GRAMD2B: variants seen among roughly 807,000 people sequenced by gnomAD.
GRAMD2B encodes GRAM domain containing 2B, also known as GRAM domain-containing protein 2B.
In GRAMD2B, 41 loss-of-function variants were observed where a neutral mutation model predicts 59.2. The ratio of observed to expected loss-of-function variants is 0.69; its 90% CI spans 0.54 to 0.90. GRAMD2B has a LOEUF of 0.90. Among genes scored for constraint, GRAMD2B ranks in the 40% least tolerant of loss-of-function variants. The pLI is 0.00. For missense variants in GRAMD2B, 424 were observed against 500.5 expected (o/e 0.85, Z 1.46); for synonymous variants, 161 against 182.7 (o/e 0.88, Z 0.96).
intron 13 of GRAMD2B, among the ~76,000 whole-genome samples, chr5:126,489,358 T>C (rs181494212): frequency 3.0e-4 from 45 of 152,282 alleles, no homozygotes; most frequent in Non-Finnish European, 7.4e-5. Context: ...CCCTATCTGA[T>C]AGGGGAAGAA....
intron 1 of GRAMD2B, among the ~76,000 whole-genome samples, chr5:126,379,428 G>T (rs928143039): frequency 6.6e-6 from 1 of 152,076 alleles, no homozygotes; most frequent in Non-Finnish European, 1.5e-5. Flanking sequence ...CCCAGGAGTG[G>T]GACTGCTGGA....
At chr5:126,480,381 A>C (rs1705666358) in intron 6 of GRAMD2B, 75 bp from the exon 7 acceptor site, 2 of 1,035,468 alleles carry the variant, frequency 1.9e-6, no homozygotes, top group Admixed American at 1.8e-5. Flanking sequence ...CTGTATACAG[A>C]TACTTTTCTG....
At chr5:126,419,809 C>T (rs1477706567), upstream of GRAMD2B, among the ~76,000 whole-genome samples, 1 of 152,104 alleles carries the variant, frequency 6.6e-6, no homozygotes, top group African/African-American at 2.4e-5. Flanking sequence ...GTAATCCCAG[C>T]ACTTTGGGAG....
intron 1 of GRAMD2B, 172 bp from the exon 2 acceptor site, chr5:126,465,254 G>A (rs1415777643): frequency 1.4e-6 from 2 of 1,451,516 alleles, no homozygotes; most frequent in African/African-American, 1.4e-5. Context: ...TGGGACACCA[G>A]GCAAGGGGTT....
intron 1 of GRAMD2B, among the ~76,000 whole-genome samples, chr5:126,405,877 G>T (rs1459956803): frequency 6.6e-6 from 1 of 151,762 alleles, no homozygotes; most frequent in African/African-American, 2.4e-5. Context: ...GGCCTAGGAG[G>T]TTTTCAATAG....
chr5:126,475,176 C>A (rs1042004059), intron 5 of GRAMD2B, among the ~76,000 whole-genome samples: 2 of 152,140 alleles, frequency 1.3e-5, no homozygotes, highest in African/African-American at 4.8e-5. Context: ...TTTTAGTCAG[C>A]CTGTCGGTAT....
intron 1 of GRAMD2B, among the ~76,000 whole-genome samples, chr5:126,397,186 TTTAGGATG>T (rs1407802618): frequency 6.6e-5 from 10 of 152,170 alleles, no homozygotes; most frequent in Admixed American, 3.3e-4. Flanking sequence ...TTCCCCATTG[TTTAGGATG>T]TTAGCTGTGT....
chr5:126,364,851 T>C lies in GRAMD2B; in HGVS notation c.128+4392T>C, dbSNP rs368619952. 5.3e-5 allele frequency among the ~76,000 whole-genome samples: 8 copies of C among 152,364 alleles called. No homozygotes were observed. In the East Asian group the frequency reaches 9.6e-4, roughly 18 times the overall value. On this transcript the variant is annotated intron_variant, in intron 1 of 13. Coordinates refer to the GRAMD2B transcript ENST00000513040. ...AAACAAATCTTTCTGAGATGTTTCA[T>C]AGAATTCTCCAAACATGTCTTTGAT...
Position 126,423,483 on chromosome 5 carries a change from G to A in GRAMD2B, c.-124G>A. 1 of 1,460,398 alleles carries A rather than the reference G, an allele frequency of 6.8e-7. No individual in the cohort carries two copies. Among genetic ancestry groups the A allele is most frequent in the South Asian group, 1.4e-5 (1 of 71,342 alleles). 90.5% of individuals were successfully genotyped at this position (1,460,398 alleles called of 1,614,324 possible). A position where few individuals can be genotyped will look rare whatever the true frequency, so the allele number is the denominator to read the frequency against. On this transcript the variant is annotated 5_prime_UTR_variant, in exon 1 of 14. Transcript: ENST00000285689. Reference sequence around the variant, plus strand: ...GCGGCCCGGCCTGGATGCGCTGGGCGGAGGGTGCAGGGGAGGGCACGGCGC... The same window carrying A: ...GCGGCCCGGCCTGGATGCGCTGGGCAGAGGGTGCAGGGGAGGGCACGGCGC...
chr5:126,383,668 G>A (rs1301246415), intron 1 of GRAMD2B, among the ~76,000 whole-genome samples: 1 of 152,132 alleles, frequency 6.6e-6, no homozygotes, highest in Non-Finnish European at 1.5e-5. Context: ...AATTAGTCCA[G>A]GTAGTACATA....
intron 1 of GRAMD2B, among the ~76,000 whole-genome samples, chr5:126,391,076 G>A (rs1038249518): frequency 2.6e-5 from 4 of 152,074 alleles, no homozygotes; most frequent in African/African-American, 9.6e-5. Context: ...TCTGGTACAG[G>A]AGTTAGATGT....
chr5:126,397,957 A>G (rs73332469), intron 1 of GRAMD2B, among the ~76,000 whole-genome samples: 1,848 of 149,350 alleles, frequency 0.012, 33 homozygotes, highest in African/African-American at 0.043. Flanking sequence ...GTCTTCTTTG[A>G]GTGTTCAGTA....
At chr5:126,396,202 G>T (rs10478738) in intron 1 of GRAMD2B, among the ~76,000 whole-genome samples, 9,432 of 152,048 alleles carry the variant, frequency 0.062, 365 homozygotes, top group African/African-American at 0.11. Context: ...TTAAGTTCAG[G>T]GGTACATGTG....
At chr5:126,431,882 T>C (rs185453630) in intron 1 of GRAMD2B, among the ~76,000 whole-genome samples, 1 of 152,234 alleles carries the variant, frequency 6.6e-6, no homozygotes, top group Non-Finnish European at 1.5e-5. Context: ...TCTCAGGCAA[T>C]GAGATGAGGT....
chr5:126,361,489 T>TA (rs11300255), intron 1 of GRAMD2B, among the ~76,000 whole-genome samples: 42,264 of 140,564 alleles, frequency 0.3, 6,787 homozygotes, highest in South Asian at 0.56. Context: ...TCCGAAATGG[T>TA]AAAAAAAAAA....
intron 1 of GRAMD2B, among the ~76,000 whole-genome samples, chr5:126,403,049 G>A (rs1757969867): frequency 6.6e-6 from 1 of 151,932 alleles, no homozygotes; most frequent in Non-Finnish European, 1.5e-5. Context: ...AGAGCCAGGA[G>A]TTAGGATCAA....
intron 1 of GRAMD2B, among the ~76,000 whole-genome samples, chr5:126,407,839 G>T (rs991003450): frequency 6.6e-6 from 1 of 151,974 alleles, no homozygotes; most frequent in African/African-American, 2.4e-5. Context: ...TATGAATTGC[G>T]TGCTATGTGC....
chr5:126,367,035 T>C (rs1475237221), upstream of GRAMD2B, among the ~76,000 whole-genome samples: 2 of 151,996 alleles, frequency 1.3e-5, no homozygotes, highest in Non-Finnish European at 2.9e-5. Flanking sequence ...TTTGTATTTT[T>C]AGTAGAGACG....
At chr5:126,442,369 C>T (rs1763441577) in intron 1 of GRAMD2B, among the ~76,000 whole-genome samples, 1 of 150,874 alleles carries the variant, frequency 6.6e-6, no homozygotes, top group South Asian at 2.1e-4. Context: ...GGGCTCACTG[C>T]AACCTCTGCC....
Sources: gnomAD v4.1 joint callset for allele counts (sites outside exome capture counted in the v4.1 genomes callset) on GRCh38, gnomAD v4.1.1 for gene constraint, MANE v1.5 for transcripts, NCBI Gene and HGNC (gene_info 2026-07-23, HGNC 2026-07-21) for gene names.